Variants in FHIP1A observed in about 807,000 individuals in gnomAD.
FHIP1A encodes FHF complex subunit HOOK interacting protein 1A, also known as FHF complex subunit HOOK-interacting protein 1A.
Under a neutral mutation model 88.6 loss-of-function variants are expected in FHIP1A, and 61 were observed. The observed-to-expected ratio is 0.69, with a 90% confidence interval of 0.56 to 0.85. The LOEUF is 0.85. FHIP1A is among the 40% of genes least tolerant of loss of function. The probability of loss-of-function intolerance (pLI) is 0.00; values close to 1 mark genes in which losing one functional copy is unlikely to be tolerated. For synonymous variants in FHIP1A, 478 were observed against 496.0 expected, an observed-to-expected ratio of 0.96 and a Z score of 0.48; for missense variants, 1,154 against 1,273.5, an observed-to-expected ratio of 0.91 and a Z score of 1.43.
At chr4:151,475,923 A>G (rs954010683) in intron 2 of FHIP1A, among the ~76,000 whole-genome samples, 2 of 149,122 alleles carry the variant, frequency 1.3e-5, no homozygotes, top group Non-Finnish European at 3.0e-5. Flanking sequence ...GTGCAATGGC[A>G]TAGTCTTGGC....
At chr4:151,437,020 A>G (rs1297474267) in intron 1 of FHIP1A, among the ~76,000 whole-genome samples, 3 of 152,194 alleles carry the variant, frequency 2.0e-5, no homozygotes, top group Non-Finnish European at 2.9e-5. Context: ...AAAAGTCTGC[A>G]TATGTTCAGT....
intron 7 of FHIP1A, among the ~76,000 whole-genome samples, chr4:151,629,310 T>C (rs1202216909): frequency 6.6e-6 from 1 of 152,220 alleles, no homozygotes; most frequent in Non-Finnish European, 1.5e-5. Context: ...GTTTACTGAA[T>C]GACTAATAAA....
chr4:151,576,122 T>C (rs1295040607), intron 4 of FHIP1A, among the ~76,000 whole-genome samples: 1 of 152,222 alleles, frequency 6.6e-6, no homozygotes, highest in Non-Finnish European at 1.5e-5. Context: ...CAGATTGTTT[T>C]AGTTTCCAGG....
At chr4:151,638,004 A>G (rs540429896) in intron 8 of FHIP1A, among the ~76,000 whole-genome samples, 2 of 152,324 alleles carry the variant, frequency 1.3e-5, no homozygotes, top group East Asian at 1.9e-4. Flanking sequence ...AAAGGGTACA[A>G]AGATTTTACA....
At chr4:151,454,085 A>G (rs1174875360) in intron 1 of FHIP1A, among the ~76,000 whole-genome samples, 1 of 152,208 alleles carries the variant, frequency 6.6e-6, no homozygotes, top group Non-Finnish European at 1.5e-5. Flanking sequence ...TGTACATAAT[A>G]TACATTTCCT....
chr4:151,434,336 C>G (rs1367635857), intron 1 of FHIP1A, among the ~76,000 whole-genome samples: 1 of 152,124 alleles, frequency 6.6e-6, no homozygotes, highest in Non-Finnish European at 1.5e-5. Flanking sequence ...ATGTTACTTA[C>G]TATATGAATG....
chr4:151,467,008 G>A (rs773574447), intron 2 of FHIP1A, among the ~76,000 whole-genome samples: 2 of 152,108 alleles, frequency 1.3e-5, no homozygotes, highest in African/African-American at 2.4e-5. Context: ...GAGCTTCTGC[G>A]AAGCAAAAGA....
intron 3 of FHIP1A, among the ~76,000 whole-genome samples, chr4:151,501,842 T>G (rs1175900323): frequency 6.6e-6 from 1 of 151,176 alleles, no homozygotes; most frequent in Non-Finnish European, 1.5e-5. Flanking sequence ...ACTAAACCTT[T>G]ATTAGAAAAC....
chr4:151,520,738 A>G (rs988377985), intron 3 of FHIP1A, among the ~76,000 whole-genome samples: 4 of 152,218 alleles, frequency 2.6e-5, no homozygotes, highest in Non-Finnish European at 4.4e-5. Context: ...ACCAGCAGCC[A>G]TGAAGTCCTC....
intron 3 of FHIP1A, among the ~76,000 whole-genome samples, chr4:151,554,580 G>A (rs1732873724): frequency 6.6e-6 from 1 of 152,150 alleles, no homozygotes; most frequent in African/African-American, 2.4e-5. Flanking sequence ...TCAGCGTAGT[G>A]TTTTTGATGT....
intron 1 of FHIP1A, among the ~76,000 whole-genome samples, chr4:151,422,050 TTA>T (rs1176699743): frequency 1.3e-5 from 2 of 151,960 alleles, no homozygotes; most frequent in African/African-American, 4.8e-5. Flanking sequence ...TGTTGTCAAA[TTA>T]TATATGAGGG....
At chr4:151,543,448 T>G (rs1732372847) in intron 3 of FHIP1A, among the ~76,000 whole-genome samples, 1 of 152,180 alleles carries the variant, frequency 6.6e-6, no homozygotes, top group African/African-American at 2.4e-5. Context: ...TGTATATATA[T>G]GAAAAAATTC....
chr4:151,527,510 C>T (rs192117685), intron 3 of FHIP1A, among the ~76,000 whole-genome samples: 14 of 151,972 alleles, frequency 9.2e-5, no homozygotes, highest in Middle Eastern at 3.4e-3. Context: ...AGAGGGAGAC[C>T]GTTTAAAGAG....
chr4:151,445,023 C>G (rs1728541177), intron 1 of FHIP1A, among the ~76,000 whole-genome samples: 1 of 152,110 alleles, frequency 6.6e-6, no homozygotes. Flanking sequence ...AGATTGCCCC[C>G]TACCTCAGAT....
At chr4:151,586,445 T>C (rs1734216342) in intron 5 of FHIP1A, among the ~76,000 whole-genome samples, 196 bp from the exon 6 acceptor site, 1 of 152,208 alleles carries the variant, frequency 6.6e-6, no homozygotes, top group African/African-American at 2.4e-5. Context: ...CCATTCCTTC[T>C]GCCAGAGTTG....
intron 3 of FHIP1A, among the ~76,000 whole-genome samples, chr4:151,498,327 C>T (rs1321338840): frequency 6.6e-6 from 1 of 152,160 alleles, no homozygotes; most frequent in African/African-American, 2.4e-5. Context: ...AACTTTCTTC[C>T]CTTCTGGGGT....
chr4:151,659,770 C>T (rs1737382995), intron 13 of FHIP1A, among the ~76,000 whole-genome samples: 1 of 152,202 alleles, frequency 6.6e-6, no homozygotes. Context: ...ATTCCCTTCA[C>T]CTCCTGGCAG....
At chr4:151,420,431 C>A (rs1426674602) in intron 1 of FHIP1A, among the ~76,000 whole-genome samples, 1 of 152,130 alleles carries the variant, frequency 6.6e-6, no homozygotes, top group African/African-American at 2.4e-5. Context: ...CACACCCTAC[C>A]TCTTCCTTTT....
At chr4:151,478,228 A>G (rs1461403596) in intron 2 of FHIP1A, among the ~76,000 whole-genome samples, 2 of 152,216 alleles carry the variant, frequency 1.3e-5, no homozygotes, top group Non-Finnish European at 2.9e-5. Context: ...AACATTGCCA[A>G]TGTATGAAAT....
Sources: gnomAD v4.1 joint callset for allele counts (sites outside exome capture counted in the v4.1 genomes callset) on GRCh38, gnomAD v4.1.1 for gene constraint, MANE v1.5 for transcripts, NCBI Gene and HGNC (gene_info 2026-07-23, HGNC 2026-07-21) for gene names.